Variants in PHKB observed in about 807,000 individuals in gnomAD.
PHKB encodes the protein phosphorylase b kinase regulatory subunit beta.
Under a neutral mutation model 152.1 loss-of-function variants are expected in PHKB, and 122 were observed. The observed-to-expected ratio is 0.80, with a 90% CI of 0.69 to 0.93. The LOEUF is 0.93. Ranked by LOEUF, PHKB falls within the 40% of genes least tolerant of loss-of-function variation. The pLI is 0.00. For synonymous variants in PHKB, 436 were observed against 464.9 expected (o/e 0.94, Z 0.80); for missense variants, 1,304 against 1,328.4 (o/e 0.98, Z 0.29).
intron 20 of PHKB, among the ~76,000 whole-genome samples, chr16:47,660,112 T>C (rs1973411771): frequency 6.6e-6 from 1 of 152,212 alleles, no homozygotes; most frequent in Non-Finnish European, 1.5e-5. Context: ...TCCACCCGCC[T>C]TGACACCCCA....
chr16:47,476,725 T>C lies in PHKB; in HGVS notation c.76+15299T>C, dbSNP rs191920713. ...TTATGCATTACTGGTGTCACTGTCT[T>C]AATTCAAGGCCCTAGAATGATTGTT... On this transcript the variant is annotated intron_variant, in intron 1 of 30. Transcript: ENST00000323584. 1.1e-4 allele frequency among the ~76,000 whole-genome samples: 17 copies of C among 152,348 alleles called. No individual in the cohort carries two copies. In the East Asian group the frequency reaches 3.3e-3, roughly 29 times the overall value.
rs1972426334 is a variant in PHKB at position 47,611,463 on chromosome 16, A to G, written c.1458+543A>G. ...ACTTGAGCAAACCCTCAAGTATTAA[A>G]TGATACCAGTAATGAGGACTGTTAA... On this transcript the variant is annotated intron_variant, in intron 14 of 30. Coordinates refer to ENST00000323584, the MANE Select transcript of PHKB (RefSeq NM_000293.3). Among the ~76,000 whole-genome samples the G allele has an allele frequency of 2.0e-5, 3 of 152,194 alleles. 1 individual carries two copies. Among genetic ancestry groups the G allele is most frequent in the Middle Eastern group, 6.3e-3 (2 of 316 alleles).
At chr16:47,540,000 C>CA (rs35414831) in intron 6 of PHKB, among the ~76,000 whole-genome samples, 2 of 151,672 alleles carry the variant, frequency 1.3e-5, no homozygotes, top group Admixed American at 6.6e-5. Context: ...CAGGGTCGGG[C>CA]AAAAAAAGCC....
In PHKB at chr16:47,477,642, T is replaced by C. The variant is rs1048966434; in HGVS notation, c.76+16216T>C. Among the ~76,000 whole-genome samples, 16 of 152,328 alleles carry C rather than the reference T, an allele frequency of 1.1e-4. 1 individual carries two copies. The highest frequency in any genetic ancestry group is 4.6e-4 in the Admixed American group (7 of 15,292). ...TACTGACCTAGGTTTATAATAGCTT[T>C]ATGACGTGGTGAGGGCACTTTTGAT... On this transcript the variant is annotated intron_variant, in intron 1 of 30. Coordinates refer to ENST00000323584, the MANE Select transcript of PHKB (RefSeq NM_000293.3).
At chr16:47,697,059 C>T (rs1055622711) in intron 29 of PHKB, among the ~76,000 whole-genome samples, 1 of 152,182 alleles carries the variant, frequency 6.6e-6, no homozygotes, top group Admixed American at 6.5e-5. Flanking sequence ...ATTAACAGAA[C>T]ACATGTGTCC....
intron 1 of PHKB, among the ~76,000 whole-genome samples, chr16:47,493,900 GA>G (rs1970190490): frequency 6.6e-6 from 1 of 152,178 alleles, no homozygotes; most frequent in African/African-American, 2.4e-5. Context: ...AGAGAAAAAT[GA>G]AAGTCACAAA....
At chr16:47,531,217 T>C (rs2151661938) in intron 6 of PHKB, among the ~76,000 whole-genome samples, 1 of 152,290 alleles carries the variant, frequency 6.6e-6, no homozygotes, top group East Asian at 1.9e-4. Context: ...AGCCATAGGG[T>C]GACCTCTTCA....
chr16:47,602,923 TTC>T (rs1369980128), intron 13 of PHKB, among the ~76,000 whole-genome samples: 4 of 152,156 alleles, frequency 2.6e-5, no homozygotes, highest in African/African-American at 9.7e-5. Flanking sequence ...TAGGAAATAC[TTC>T]TCTCTGTCTC....
chr16:47,558,405 T>TA (rs1971419267), intron 7 of PHKB, among the ~76,000 whole-genome samples: 2 of 152,020 alleles, frequency 1.3e-5, no homozygotes, highest in South Asian at 2.1e-4. Context: ...AAAATAAATT[T>TA]AAAAAAATGT....
At chr16:47,605,300 G>C (rs746738967) in intron 13 of PHKB, among the ~76,000 whole-genome samples, 15 of 152,198 alleles carry the variant, frequency 9.9e-5, no homozygotes, top group Admixed American at 2.0e-4. Flanking sequence ...CGTGGTGTAA[G>C]TGGGAACATC....
intron 7 of PHKB, among the ~76,000 whole-genome samples, chr16:47,552,677 C>T (rs958177396): frequency 3.3e-5 from 5 of 151,898 alleles, no homozygotes; most frequent in Admixed American, 1.3e-4. Context: ...AGTGTGGTGG[C>T]GGGTGCCTGT....
At position 47,696,494 on chromosome 16, in the gene PHKB, T is replaced by C. The variant is rs754153154; in HGVS notation, c.3003+6T>C. On this transcript the variant is annotated splice_donor_region_variant and intron_variant, in intron 29 of 30. Coordinates refer to ENST00000323584, the MANE Select transcript of PHKB (RefSeq NM_000293.3). Reference sequence around the variant, plus strand: ...ACAGACAGATCGTTGTAGAGGTGAGTAGTAAGAAATGAAGATTGCTGAATA... The same window carrying C: ...ACAGACAGATCGTTGTAGAGGTGAGCAGTAAGAAATGAAGATTGCTGAATA... 1.4e-6 allele frequency: 2 copies of C among 1,466,202 alleles called. No individual in the cohort carries two copies. Among genetic ancestry groups the C allele is most frequent in the Non-Finnish European group, 1.9e-6 (2 of 1,045,114 alleles). The allele number at this position is 1,466,202 out of a possible 1,614,324, so 90.8% of individuals were successfully genotyped here.
chr16:47,501,219 A>G lies in PHKB; in HGVS notation c.305+1325A>G, dbSNP rs1970319619. 2.0e-5 allele frequency among the ~76,000 whole-genome samples: 3 copies of G among 152,348 alleles called. No individual in the cohort carries two copies. The South Asian group carries it at 6.2e-4, about 32-fold the overall frequency. Reference sequence around the variant, plus strand: ...CCTTGTGCTAACATCTTACCAAGTTATCTAACATGAGTCTACATATGAACA... The same window carrying G: ...CCTTGTGCTAACATCTTACCAAGTTGTCTAACATGAGTCTACATATGAACA... On this transcript the variant is annotated intron_variant, in intron 3 of 30. Coordinates refer to ENST00000323584, the MANE Select transcript of PHKB (RefSeq NM_000293.3).
In PHKB at chr16:47,649,593, G is replaced by A. The variant is rs955050437; in HGVS notation, c.1797+389G>A. Among the ~76,000 whole-genome samples the A allele has an allele frequency of 3.9e-5, 6 of 152,152 alleles. No individual in the cohort carries two copies. The East Asian group carries it at 9.6e-4, about 24-fold the overall frequency. On this transcript the variant is annotated intron_variant, in intron 18 of 30. Transcript: ENST00000323584. The stretch of plus-strand genomic sequence containing the variant: ...CCTCAACTAACTCATAACTCCATGA[G>A]TTAAAATCTTCACTCCCTTTTCTAC...
intron 6 of PHKB, among the ~76,000 whole-genome samples, chr16:47,536,236 A>G (rs1970949961): frequency 6.6e-6 from 1 of 152,130 alleles, no homozygotes; most frequent in African/African-American, 2.4e-5. Context: ...TTTTTAGTAG[A>G]GACAGAGTTT....
chr16:47,546,549 G>T (rs751144756), intron 6 of PHKB, among the ~76,000 whole-genome samples: 1 of 152,200 alleles, frequency 6.6e-6, no homozygotes, highest in Non-Finnish European at 1.5e-5. Flanking sequence ...TCCAAGTTAG[G>T]CTACATGGGG....
intron 7 of PHKB, among the ~76,000 whole-genome samples, chr16:47,567,516 C>T (rs1971590171): frequency 6.6e-6 from 1 of 152,080 alleles, no homozygotes; most frequent in African/African-American, 2.4e-5. Context: ...TTTCAATTTA[C>T]ATGCCCTTTA....
intron 6 of PHKB, among the ~76,000 whole-genome samples, chr16:47,516,247 T>C (rs965292997): frequency 2.0e-5 from 3 of 152,146 alleles, no homozygotes; most frequent in Non-Finnish European, 4.4e-5. Context: ...TTTTACATCG[T>C]TGCATTTCAT....
At chr16:47,475,359 C>T (rs1969850571) in intron 1 of PHKB, among the ~76,000 whole-genome samples, 1 of 152,134 alleles carries the variant, frequency 6.6e-6, no homozygotes, top group South Asian at 2.1e-4. Flanking sequence ...TTTTCTATCT[C>T]GGGAACTTGA....
Sources: allele counts gnomAD v4.1 joint callset (sites outside exome capture counted in the v4.1 genomes callset), GRCh38; gene constraint gnomAD v4.1.1; transcripts MANE v1.5; gene names NCBI Gene and HGNC (gene_info 2026-07-23, HGNC 2026-07-21).